Variants in TOGARAM1 observed in about 807,000 individuals in gnomAD.
TOGARAM1 encodes TOG array regulator of axonemal microtubules protein 1.
In TOGARAM1, 100 loss-of-function variants were observed where a neutral mutation model predicts 166.6. The observed-to-expected ratio is 0.60, with a 90% confidence interval of 0.51 to 0.71. TOGARAM1 has a LOEUF of 0.71. TOGARAM1 is among the 30% of genes least tolerant of loss of function. The probability of loss-of-function intolerance (pLI) is 0.00; values close to 1 mark genes in which losing one functional copy is unlikely to be tolerated. For synonymous variants in TOGARAM1, 758 were observed against 763.8 expected, an observed-to-expected ratio of 0.99 and a Z score of 0.13; for missense variants, 2,029 against 2,102.7, an observed-to-expected ratio of 0.96 and a Z score of 0.69.
intron 7 of TOGARAM1, among the ~76,000 whole-genome samples, chr14:45,016,463 C>T (rs1438007931): frequency 1.3e-5 from 2 of 152,180 alleles, no homozygotes; most frequent in Non-Finnish European, 2.9e-5. Context: ...GGGCGGATCA[C>T]GAGGTCAGGA....
chr14:45,041,929 A>G (rs1881749131), intron 11 of TOGARAM1, among the ~76,000 whole-genome samples: 1 of 152,122 alleles, frequency 6.6e-6, no homozygotes, highest in Non-Finnish European at 1.5e-5. Flanking sequence ...CGCCTGGCTA[A>G]TTTTTATATT....
At chr14:45,066,522 A>G in intron 16 of TOGARAM1, 56 bp from the exon 17 acceptor site, 4 of 1,412,378 alleles carry the variant, frequency 2.8e-6, no homozygotes, top group Non-Finnish European at 3.8e-6. Context: ...ATGTTTGTAT[A>G]ATAGTTTTTA....
chr14:45,029,910 C>T (rs1186827567), intron 10 of TOGARAM1, among the ~76,000 whole-genome samples: 2 of 152,172 alleles, frequency 1.3e-5, no homozygotes, highest in African/African-American at 4.8e-5. Flanking sequence ...CAACCTCCAC[C>T]TCTTCGGTTC....
chr14:44,999,336 T>C, intron 2 of TOGARAM1, 27 bp from the exon 3 acceptor site: 1 of 1,521,670 alleles, frequency 6.6e-7, no homozygotes. Context: ...TTTGCTTTTA[T>C]GTTTTCTCCC....
At chr14:45,021,563 T>C (rs907256239) in intron 7 of TOGARAM1, among the ~76,000 whole-genome samples, 1 of 152,168 alleles carries the variant, frequency 6.6e-6, no homozygotes, top group Non-Finnish European at 1.5e-5. Flanking sequence ...CCAGATCCTC[T>C]AGAGGTTCAC....
chr14:45,040,383 C>T (rs1881666412), intron 11 of TOGARAM1, among the ~76,000 whole-genome samples: 1 of 152,080 alleles, frequency 6.6e-6, no homozygotes, highest in Non-Finnish European at 1.5e-5. Flanking sequence ...AATCAGCTTT[C>T]ACCTTAAACT....
chr14:44,999,550 G>T, intron 3 of TOGARAM1, 53 bp downstream of exon 3: 5 of 1,434,802 alleles, frequency 3.5e-6, no homozygotes, highest in Non-Finnish European at 4.7e-6. Flanking sequence ...ATTATGTGGG[G>T]ATTCCAACAC....
chr14:45,062,783 C>T (rs764854768), intron 16 of TOGARAM1, among the ~76,000 whole-genome samples: 1 of 152,112 alleles, frequency 6.6e-6, no homozygotes, highest in Non-Finnish European at 1.5e-5. Context: ...GTAGGCTAGA[C>T]GTATTGAATG....
At position 45,011,735 on chromosome 14, in the gene TOGARAM1, G is replaced by A. The variant is rs554122111; in HGVS notation, c.3138-240G>A. ...TTGAGTAATTAAGAATTGGCCATAT[G>A]TTAAAAAGGTTGGTAGTCCAAAAGG... is the stretch of plus-strand genomic sequence containing the variant. On this transcript the variant is annotated intron_variant, in intron 6 of 19. Coordinates refer to ENST00000361462, the MANE Select transcript of TOGARAM1 (RefSeq NM_001308120.2). 4.5e-4 allele frequency among the ~76,000 whole-genome samples: 69 copies of A among 151,788 alleles called. 2 individuals carry two copies. Among genetic ancestry groups the A allele is most frequent in the African/African-American group, 1.5e-3 (61 of 41,354 alleles).
Position 45,045,571 on chromosome 14 carries a change from ATATATATATATATGTGTGTGTGTG to A in TOGARAM1, c.4154+703_4154+726del, listed in dbSNP as rs1473653912. The stretch of plus-strand genomic sequence containing the variant: ...TATATATATATATATATATATATAT[ATATATATATATATGTGTGTGTGTG>A]TGTGTGTGTGTGTGTGTGTGTGTAT... On this transcript the variant is annotated intron_variant, in intron 13 of 19. Transcript: ENST00000361462. 3.0e-3 allele frequency among the ~76,000 whole-genome samples: 121 copies of A among 40,780 alleles called. 3 individuals carry two copies. Among genetic ancestry groups the A allele is most frequent in the African/African-American group, 0.011 (76 of 7,042 alleles). 26.8% of individuals were successfully genotyped at this position (40,780 alleles called of 152,430 possible). A position where few individuals can be genotyped will look rare whatever the true frequency, so the allele number is the denominator to read the frequency against.
intron 11 of TOGARAM1, among the ~76,000 whole-genome samples, chr14:45,043,102 T>C (rs1198222444): frequency 6.6e-6 from 1 of 152,222 alleles, no homozygotes; most frequent in African/African-American, 2.4e-5. Flanking sequence ...TACTTGTATC[T>C]ATTACCTTAC....
In TOGARAM1 at chr14:44,964,151, C is replaced by G. The variant is rs747472678; in HGVS notation, c.1730C>G (p.Thr577Ser). 6.2e-7 allele frequency: 1 copy of G among 1,614,192 alleles called. No homozygotes were observed. Among genetic ancestry groups the G allele is most frequent in the Non-Finnish European group, 8.5e-7 (1 of 1,180,042 alleles). Residue 577 changes from threonine to serine, a missense_variant, in exon 1 of 20, where the codon ACC becomes AGC. Coordinates refer to ENST00000361462, the MANE Select transcript of TOGARAM1 (RefSeq NM_001308120.2). ...GTGCAGGCCAGATTGGCTAGGAAAA[C>G]CTTACCAAGGCTCACAGAGCAGGGA... ...NAVQARLARKTLPRLTEQGFV... is the reference protein window; with the variant it reads ...NAVQARLARKSLPRLTEQGFV...
chr14:45,027,127 A>G (rs1253607871), intron 8 of TOGARAM1, among the ~76,000 whole-genome samples, 172 bp from the exon 9 acceptor site: 3 of 152,170 alleles, frequency 2.0e-5, no homozygotes, highest in African/African-American at 7.2e-5. Context: ...GCCACCTCTT[A>G]TATTAATGCC....
At chr14:44,994,811 C>T (rs548415158) in intron 1 of TOGARAM1, among the ~76,000 whole-genome samples, 4 of 152,092 alleles carry the variant, frequency 2.6e-5, no homozygotes, top group African/African-American at 9.7e-5. Context: ...TAATAAATAA[C>T]GTGTACCTGA....
At chr14:45,002,716 G>A (rs1301450760) in intron 3 of TOGARAM1, among the ~76,000 whole-genome samples, 9 of 152,254 alleles carry the variant, frequency 5.9e-5, no homozygotes, top group African/African-American at 1.9e-4. Flanking sequence ...GGTGGCTCAC[G>A]CCTGTAATCC....
At chr14:45,051,553 C>CTTTTTT (rs1015760925) in intron 14 of TOGARAM1, among the ~76,000 whole-genome samples, 23 of 90,048 alleles carry the variant, frequency 2.6e-4, no homozygotes, top group African/African-American at 4.0e-4. Context: ...CCAACAGATG[C>CTTTTTT]TTTTTTTTTT....
At position 45,057,929 on chromosome 14, in the gene TOGARAM1, A is replaced by G. The variant is rs925952405; in HGVS notation, c.4559+3380A>G. 3.9e-5 allele frequency among the ~76,000 whole-genome samples: 6 copies of G among 152,330 alleles called. 1 individual carries two copies. Among genetic ancestry groups the G allele is most frequent in the Admixed American group, 3.9e-4 (6 of 15,298 alleles). ...TGTATATTCTGCAGTTTTGGGGTCA[A>G]ATGTTCTGTAAATGTTTGTTAAGTC... On this transcript the variant is annotated intron_variant, in intron 16 of 19. Coordinates refer to ENST00000361462, the MANE Select transcript of TOGARAM1 (RefSeq NM_001308120.2).
chr14:45,071,686 T>C (rs751036281), intron 18 of TOGARAM1, 26 bp from the exon 19 acceptor site: 2 of 1,517,780 alleles, frequency 1.3e-6, no homozygotes, highest in East Asian at 2.3e-5. Context: ...TCTTTAAACA[T>C]GTGTCTCTGT....
At chr14:45,045,021 C>T in intron 13 of TOGARAM1, 151 bp downstream of exon 13, 1 of 518,692 alleles carries the variant, frequency 1.9e-6, no homozygotes, top group Non-Finnish European at 3.3e-6. Flanking sequence ...ATACTACATG[C>T]CGAATATGAA....
Sources: allele counts gnomAD v4.1 joint callset (sites outside exome capture counted in the v4.1 genomes callset), GRCh38; gene constraint gnomAD v4.1.1; transcripts MANE v1.5; gene names NCBI Gene and HGNC (gene_info 2026-07-23, HGNC 2026-07-21).